The following COG6 variants were observed in gnomAD, a reference collection of about 807,000 sequenced individuals.
COG6 encodes component of oligomeric golgi complex 6.
In COG6, 74 loss-of-function variants were observed where a neutral mutation model predicts 88.8. That is an observed-to-expected ratio of 0.83 (90% confidence interval 0.69 to 1.01). The LOEUF (loss-of-function observed/expected upper bound fraction) is 1.01. Ranked by LOEUF, COG6 falls within the 50% of genes least tolerant of loss-of-function variation. COG6 has a pLI of 0.00. For synonymous variants in COG6, 286 were observed against 278.7 expected (o/e 1.03, Z -0.26); for missense variants, 800 against 797.9 (o/e 1.00, Z -0.03).
chr13:39,706,613 A>T (rs1430342692), intron 13 of COG6, among the ~76,000 whole-genome samples: 5 of 88,824 alleles, frequency 5.6e-5, no homozygotes, highest in Non-Finnish European at 1.4e-4. Flanking sequence ...CTACACATTT[A>T]AAAAAAGAGA....
chr13:39,676,366 G>A (rs1303433127), intron 4 of COG6, among the ~76,000 whole-genome samples: 1 of 151,918 alleles, frequency 6.6e-6, no homozygotes, highest in African/African-American at 2.4e-5. Context: ...AAAAGCACAG[G>A]CAACAAAGCA....
At chr13:39,718,202 T>TA (rs1878639035) in intron 13 of COG6, among the ~76,000 whole-genome samples, 1 of 152,118 alleles carries the variant, frequency 6.6e-6, no homozygotes, top group Admixed American at 6.6e-5. Flanking sequence ...TTGTTGTTTT[T>TA]ATGAAGGAGA....
intron 3 of COG6, among the ~76,000 whole-genome samples, 191 bp from the exon 4 acceptor site, chr13:39,664,905 T>C (rs1376444429): frequency 6.6e-6 from 1 of 152,196 alleles, no homozygotes; most frequent in Non-Finnish European, 1.5e-5. Flanking sequence ...ATTATGTGTA[T>C]ATTAAGAACT....
At chr13:39,710,975 A>G (rs1310541006) in intron 13 of COG6, among the ~76,000 whole-genome samples, 1 of 152,006 alleles carries the variant, frequency 6.6e-6, no homozygotes, top group Non-Finnish European at 1.5e-5. Flanking sequence ...TTTGTTTAAG[A>G]TTACATTGGA....
At chr13:39,705,828 T>C (rs1877862291) in intron 13 of COG6, among the ~76,000 whole-genome samples, 1 of 152,122 alleles carries the variant, frequency 6.6e-6, no homozygotes, top group African/African-American at 2.4e-5. Context: ...CCAGACCTAC[T>C]GAATTGAATT....
rs531435684 is a variant in COG6, at chr13:39,766,389, G to C, written c.1827-21946G>C. 4.6e-5 allele frequency among the ~76,000 whole-genome samples: 7 copies of C among 152,288 alleles called. No homozygotes were observed. The South Asian group carries it at 1.2e-3, about 27-fold the overall frequency. The stretch of plus-strand genomic sequence containing the variant: ...ACTGGGCATGGAGGTGGAGTAGGGA[G>C]AGCCACTCAGAGGATTCTGGGCATC... On this transcript the variant is annotated intron_variant, in intron 18 of 18. Transcript: ENST00000416691.
At chr13:39,737,204 C>T (rs1879806848) in intron 18 of COG6, among the ~76,000 whole-genome samples, 1 of 152,096 alleles carries the variant, frequency 6.6e-6, no homozygotes, top group African/African-American at 2.4e-5. Context: ...TGCCTCGGAG[C>T]TGGGGGAGTG....
At chr13:39,737,973 T>C (rs958770686) in intron 18 of COG6, among the ~76,000 whole-genome samples, 4 of 152,102 alleles carry the variant, frequency 2.6e-5, no homozygotes, top group Admixed American at 2.6e-4. Flanking sequence ...AATCACTCTT[T>C]TTTCTCCCTT....
intron 18 of COG6, among the ~76,000 whole-genome samples, chr13:39,735,439 T>G (rs1879684666): frequency 1.3e-5 from 2 of 152,116 alleles, no homozygotes; most frequent in African/African-American, 2.4e-5. Context: ...TTTTTTCTAC[T>G]TATATCTTAT....
In COG6 at chr13:39,687,511, TA is replaced by T. The variant is rs1593425743; in HGVS notation, c.798del (p.Asp267MetfsTer39). On this transcript the variant is annotated frameshift_variant, in exon 9 of 19. Transcript: ENST00000455146. LOFTEE classifies it high-confidence loss of function. The stretch of plus-strand genomic sequence containing the variant: ...TAACTTGTTTCTTCTAGATATACCT[TA>T]GATGAATTTGGAACAGCCAGAAGAA... The part of the protein sequence containing the change: ...QDRPVLYKYT[L>X]DEFGTARRST... 6.2e-7 allele frequency: 1 copy of T among 1,612,770 alleles called. No individual in the cohort carries two copies. Among genetic ancestry groups the T allele is most frequent in the African/African-American group, 1.3e-5 (1 of 74,746 alleles).
At chr13:39,787,658 A>G (rs1881816424) in intron 18 of COG6, among the ~76,000 whole-genome samples, 1 of 152,172 alleles carries the variant, frequency 6.6e-6, no homozygotes, top group African/African-American at 2.4e-5. Flanking sequence ...CACACACACA[A>G]TCAGTTCTCT....
At chr13:39,717,433 C>G (rs927795443) in intron 13 of COG6, among the ~76,000 whole-genome samples, 1 of 151,874 alleles carries the variant, frequency 6.6e-6, no homozygotes, top group African/African-American at 2.4e-5. Flanking sequence ...TGGGCTTCCC[C>G]TTTATACTTA....
chr13:39,704,358 CAT>C (rs1877765535), intron 13 of COG6, among the ~76,000 whole-genome samples: 1 of 152,118 alleles, frequency 6.6e-6, no homozygotes, highest in Non-Finnish European at 1.5e-5. Flanking sequence ...TTGCTAATAA[CAT>C]AAGCAGTCAA....
chr13:39,670,604 G>GT (rs1474732215), intron 4 of COG6, among the ~76,000 whole-genome samples: 3 of 151,918 alleles, frequency 2.0e-5, no homozygotes, highest in Admixed American at 6.5e-5. Context: ...AATTATTTAC[G>GT]TAAGTTGCTG....
At position 39,726,763 on chromosome 13, in the gene COG6, C is replaced by A. The variant is rs371806143; in HGVS notation, c.1747-706C>A. On this transcript the variant is annotated intron_variant, in intron 17 of 18. Coordinates refer to ENST00000455146, the MANE Select transcript of COG6 (RefSeq NM_020751.3). ...ATATGTTTTCCTTCCCACCTCAAGT[C>A]TTCATGCTGTCTCCTCTCCCTGAAC... is the stretch of plus-strand genomic sequence containing the variant. Among the ~76,000 whole-genome samples the A allele has an allele frequency of 3.7e-4, 56 of 152,070 alleles. No homozygotes were observed. In the South Asian group the frequency reaches 0.011, roughly 31 times the overall value.
rs577664450 is a variant in COG6 at position 39,783,501 on chromosome 13, C to T, written c.1827-4834C>T. The stretch of plus-strand genomic sequence containing the variant: ...CACAATGCCTTATTTTAAAATTGTT[C>T]TCTCTGTTTGATGTTAAATTCTTAG... On this transcript the variant is annotated intron_variant, in intron 18 of 18. Coordinates refer to the COG6 transcript ENST00000416691. 2.3e-4 allele frequency among the ~76,000 whole-genome samples: 35 copies of T among 152,008 alleles called. No homozygotes were observed. In the East Asian group the frequency reaches 6.8e-3, roughly 29 times the overall value.
chr13:39,782,643 A>G (rs981780448), intron 18 of COG6, among the ~76,000 whole-genome samples: 14 of 152,204 alleles, frequency 9.2e-5, no homozygotes, highest in African/African-American at 3.4e-4. Flanking sequence ...CTGTCCTTGA[A>G]CATGAGCACA....
chr13:39,764,597 T>G (rs181586879), intron 18 of COG6, among the ~76,000 whole-genome samples: 1 of 152,160 alleles, frequency 6.6e-6, no homozygotes, highest in East Asian at 1.9e-4. Flanking sequence ...TCAGAAGTAT[T>G]TGCTAATTTC....
intron 4 of COG6, 48 bp from the exon 5 acceptor site, chr13:39,677,420 C>A: frequency 9.7e-7 from 1 of 1,027,192 alleles, no homozygotes; most frequent in Non-Finnish European, 1.5e-6. Flanking sequence ...TAAAGCTATG[C>A]AACTGTGTAA....
Sources: allele counts gnomAD v4.1 joint callset (sites outside exome capture counted in the v4.1 genomes callset), GRCh38; gene constraint gnomAD v4.1.1; transcripts MANE v1.5; gene names NCBI Gene and HGNC (gene_info 2026-07-23, HGNC 2026-07-21).